AR: variants seen among roughly 807,000 people sequenced by gnomAD.
The protein encoded by AR is androgen receptor.
A neutral mutation model predicts 53.9 loss-of-function variants in AR; 8 were observed. The ratio of observed to expected loss-of-function variants is 0.15; its 90% CI spans 0.09 to 0.27. The LOEUF is 0.27. AR is among the 10% of genes least tolerant of loss of function. The probability of loss-of-function intolerance (pLI) is 1.00; values close to 1 mark genes in which losing one functional copy is unlikely to be tolerated. For synonymous variants in AR, 359 were observed against 316.4 expected (o/e 1.13, Z -1.43); for missense variants, 639 against 742.5 (o/e 0.86, Z 1.62).
intron 1 of AR, among the ~76,000 whole-genome samples, chrX:67,642,488 A>G (rs756054331): frequency 2.7e-5 from 3 of 111,493 alleles, no homozygotes; most frequent in East Asian, 5.7e-4. Flanking sequence ...CCAGTGGCCA[A>G]GTATTTTGAT....
At chrX:67,551,672 A>G (rs1341370031) in intron 1 of AR, among the ~76,000 whole-genome samples, 2 of 112,038 alleles carry the variant, frequency 1.8e-5, no homozygotes, top group Non-Finnish European at 3.8e-5. Flanking sequence ...GTAGAAAGTT[A>G]GATTTTCTAT....
intron 1 of AR, among the ~76,000 whole-genome samples, chrX:67,575,818 G>A (rs747311086): frequency 1.9e-4 from 21 of 111,917 alleles, no homozygotes; most frequent in African/African-American, 6.5e-4. Flanking sequence ...GGAGTGGGCT[G>A]TGTTTCTAGC....
chrX:67,683,893 T>G (rs2075951025), intron 2 of AR, among the ~76,000 whole-genome samples: 1 of 110,265 alleles, frequency 9.1e-6, no homozygotes, highest in Non-Finnish European at 1.9e-5. Flanking sequence ...AAAAAAATCA[T>G]GCTTTTCCGC....
At chrX:67,642,176 CT>C in intron 1 of AR, among the ~76,000 whole-genome samples, 1 of 111,762 alleles carries the variant, frequency 8.9e-6, no homozygotes, top group African/African-American at 3.2e-5. Flanking sequence ...CAGTTGTGCT[CT>C]TGTGAATGAT....
chrX:67,708,168 C>A (rs1434396779), intron 3 of AR, among the ~76,000 whole-genome samples: 1 of 111,455 alleles, frequency 9.0e-6, no homozygotes, highest in African/African-American at 3.3e-5. Flanking sequence ...CTCTGTATTT[C>A]CTGAATGTGA....
chrX:67,568,544 T>C (rs942780327), intron 1 of AR, among the ~76,000 whole-genome samples: 1 of 111,606 alleles, frequency 9.0e-6, no homozygotes, highest in Admixed American at 9.5e-5. Flanking sequence ...CTGGGGACAG[T>C]GGGTTCTGCG....
At chrX:67,669,022 G>A (rs1927408108) in intron 2 of AR, among the ~76,000 whole-genome samples, 1 of 110,492 alleles carries the variant, frequency 9.1e-6, no homozygotes, top group African/African-American at 3.3e-5. Context: ...CTGATCTTTT[G>A]TATTATTTTT....
chrX:67,595,614 A>G (rs1923039518), intron 1 of AR, among the ~76,000 whole-genome samples: 1 of 102,165 alleles, frequency 9.8e-6, no homozygotes, highest in Admixed American at 1.1e-4. Context: ...TGATTTGTCA[A>G]TGGATTTCAC....
At chrX:67,578,103 T>C (rs894332666) in intron 1 of AR, among the ~76,000 whole-genome samples, 1 of 111,704 alleles carries the variant, frequency 9.0e-6, no homozygotes, top group Admixed American at 9.5e-5. Flanking sequence ...AAGGAGAATC[T>C]ACATTTAAAG....
chrX:67,558,766 TTAAGA>T (rs780463116), intron 1 of AR, among the ~76,000 whole-genome samples: 2 of 111,869 alleles, frequency 1.8e-5, no homozygotes, highest in Non-Finnish European at 3.8e-5. Flanking sequence ...AATAGGAGAG[TTAAGA>T]TAAGAAAAAT....
At chrX:67,631,442 G>A (rs1446106581) in intron 1 of AR, among the ~76,000 whole-genome samples, 1 of 112,005 alleles carries the variant, frequency 8.9e-6, no homozygotes, top group South Asian at 3.7e-4. Flanking sequence ...TGGCTCCTGA[G>A]GTTTCTGCAT....
At chrX:67,607,649 A>T (rs1923691429) in intron 1 of AR, among the ~76,000 whole-genome samples, 1 of 112,280 alleles carries the variant, frequency 8.9e-6, no homozygotes, top group Non-Finnish European at 1.9e-5. Flanking sequence ...ATTTGTAAGC[A>T]TTTTGTTTAA....
chrX:67,672,938 T>A (rs1288281391), intron 2 of AR, among the ~76,000 whole-genome samples: 1 of 111,865 alleles, frequency 8.9e-6, no homozygotes, highest in African/African-American at 3.2e-5. Context: ...GTAGGAAAAG[T>A]CTGGTGTTAA....
intron 1 of AR, among the ~76,000 whole-genome samples, chrX:67,636,942 G>T (rs1328808595): frequency 1.8e-5 from 2 of 111,157 alleles, no homozygotes; most frequent in African/African-American, 6.5e-5. Context: ...AGTTATTTTT[G>T]TTCAAGGTGC....
intron 1 of AR, among the ~76,000 whole-genome samples, chrX:67,552,687 A>G (rs1930040033): frequency 8.9e-6 from 1 of 112,172 alleles, no homozygotes; most frequent in African/African-American, 3.2e-5. Context: ...TTTCTTCCAC[A>G]TCCTTGCCAA....
rs142271744 is a variant in AR, at chrX:67,677,645, A to G, written c.1769-8365A>G. Among the ~76,000 whole-genome samples, 835 of 111,833 alleles carry G rather than the reference A, an allele frequency of 7.5e-3. 9 individuals are homozygous for G. Among genetic ancestry groups the G allele is most frequent in the African/African-American group, 0.026 (812 of 30,815 alleles). ...TTCTGATCATACAGAGATAATAAAT[A>G]TGGAAATGATTTCAAACTAACAAAG... On this transcript the variant is annotated intron_variant, in intron 2 of 7. Transcript: ENST00000374690.
chrX:67,669,969 AATT>A (rs1422193522), intron 2 of AR, among the ~76,000 whole-genome samples: 3 of 105,294 alleles, frequency 2.8e-5, no homozygotes, highest in Non-Finnish European at 5.8e-5. Flanking sequence ...TGTAAATAAA[AATT>A]ATTATTTTAA....
intron 1 of AR, among the ~76,000 whole-genome samples, chrX:67,579,747 ACT>A (rs1922207646): frequency 9.0e-6 from 1 of 111,463 alleles, no homozygotes; most frequent in African/African-American, 3.3e-5. Flanking sequence ...GCTCAAGCTC[ACT>A]CTCGTTGGCT....
intron 1 of AR, among the ~76,000 whole-genome samples, chrX:67,566,389 A>G (rs1222463506): frequency 2.7e-5 from 3 of 112,011 alleles, no homozygotes; most frequent in Non-Finnish European, 5.6e-5. Flanking sequence ...ATCTCAAGTT[A>G]TATTCTTCAG....
Sources: gnomAD v4.1 joint callset for allele counts (sites outside exome capture counted in the v4.1 genomes callset) on GRCh38, gnomAD v4.1.1 for gene constraint, MANE v1.5 for transcripts, NCBI Gene and HGNC (gene_info 2026-07-23, HGNC 2026-07-21) for gene names.